The following NR3C1 variants were observed in gnomAD, a reference collection of about 807,000 sequenced individuals.
NR3C1 encodes the protein nuclear receptor subfamily 3 group C member 1.
Under a neutral mutation model 74.0 loss-of-function variants are expected in NR3C1, and 14 were observed. The ratio of observed to expected loss-of-function variants is 0.19; its 90% CI spans 0.12 to 0.30. The LOEUF (loss-of-function observed/expected upper bound fraction) is 0.30, where lower values mean the gene tolerates loss of function less well. Ranked by LOEUF, NR3C1 falls within the 10% of genes least tolerant of loss-of-function variation. NR3C1 has a pLI of 1.00. For missense variants in NR3C1, 695 were observed against 909.8 expected, an observed-to-expected ratio of 0.76 and a Z score of 3.04; for synonymous variants, 308 against 332.5, an observed-to-expected ratio of 0.93 and a Z score of 0.80.
chr5:143,376,186 A>G (rs1429522172), intron 2 of NR3C1, among the ~76,000 whole-genome samples: 1 of 152,222 alleles, frequency 6.6e-6, no homozygotes, highest in East Asian at 1.9e-4. Flanking sequence ...AAAAGTTTGT[A>G]TTTCACACAA....
At chr5:143,368,567 A>C (rs570158127) in intron 2 of NR3C1, among the ~76,000 whole-genome samples, 53 of 150,164 alleles carry the variant, frequency 3.5e-4, no homozygotes, top group South Asian at 8.4e-4. Context: ...ACACACACAC[A>C]CCGACAACTC....
intron 6 of NR3C1, among the ~76,000 whole-genome samples, chr5:143,296,784 A>C: frequency 6.6e-6 from 1 of 152,110 alleles, no homozygotes; most frequent in Middle Eastern, 3.2e-3. Context: ...GGCTAAGAAA[A>C]AAGGGTGGAG....
intron 1 of NR3C1, among the ~76,000 whole-genome samples, chr5:143,420,527 T>A (rs1751170808): frequency 6.6e-6 from 1 of 152,158 alleles, no homozygotes; most frequent in Non-Finnish European, 1.5e-5. Flanking sequence ...ATGCTATTAA[T>A]TATAATGGTT....
rs952048746 is a variant in NR3C1, at chr5:143,281,593, T to A, written c.*296A>T. ...TTGGGCACTGGTGGTTTAGGTGCCA[T>A]CCTTCTTTGACTGTGGAGATTACGT... On this transcript the variant is annotated 3_prime_UTR_variant, in exon 9 of 9. Transcript: ENST00000394464. 3.1e-6 allele frequency: 1 copy of A among 326,424 alleles called. No individual in the cohort carries two copies. 20.2% of individuals were successfully genotyped at this position (326,424 alleles called of 1,614,324 possible).
chr5:143,399,536 C>T, intron 2 of NR3C1, 120 bp downstream of exon 2: 1 of 816,888 alleles, frequency 1.2e-6, no homozygotes, highest in Non-Finnish European at 2.0e-6. Flanking sequence ...GCCACTTAAA[C>T]TTATTCATAT....
rs1360398169 is a variant in NR3C1 at position 143,300,987 on chromosome 5, G to A, written c.1469-224C>T. Among the ~76,000 whole-genome samples the A allele has an allele frequency of 1.3e-5, 2 of 151,880 alleles. No individual in the cohort carries two copies. The highest frequency in any genetic ancestry group is 2.9e-5 in the Non-Finnish European group (2 of 67,982). On this transcript the variant is annotated intron_variant, in intron 4 of 8. Transcript: ENST00000394464. This position sits in a 1 kb window ranked among gnomAD's most constrained non-coding sequence, Gnocchi z 5.2. ...TCCCAATTAATTTTGCCTACAAATA[G>A]GCCAGAAACTTCATTAGAGTTATTC... is the stretch of plus-strand genomic sequence containing the variant.
rs149774985 is a variant in NR3C1 at position 143,423,951 on chromosome 5, AG to A, written c.-14+10580del. On this transcript the variant is annotated intron_variant, in intron 1 of 8. Coordinates refer to the NR3C1 transcript ENST00000343796. ...CTAGGGTCTGGGAAGGGTAGTGGGG[AG>A]GGGGGATAAAGAGGGGGTGTTTAAC... is the stretch of plus-strand genomic sequence containing the variant. 3.2e-3 allele frequency among the ~76,000 whole-genome samples: 477 copies of A among 147,680 alleles called. 2 individuals are homozygous for A. Among genetic ancestry groups the A allele is most frequent in the South Asian group, 0.022 (99 of 4,482 alleles).
chr5:143,400,515 G>A lies in NR3C1; in HGVS notation c.325C>T (p.Gln109Ter). 1 of 1,614,170 alleles carries A rather than the reference G, an allele frequency of 6.2e-7. No individual in the cohort carries two copies. The change falls in exon 2 of 9, where the codon CAA becomes TAA. Residue 109 changes from glutamine (Q) to a stop codon, truncating the protein, a stop_gained. Transcript: ENST00000394464. LOFTEE classifies it high-confidence loss of function. Reference protein sequence around the residue: ...GNDLGFPQQGQISLSSGETDL... With the variant: ...GNDLGFPQQG ...GTTTCCCCCGAGGAAAGGCTGATTT[G>A]GCCCTGCTGTGGGAATCCCAGGTCA...
chr5:143,400,709 G>C lies in NR3C1; in HGVS notation c.131C>G (p.Ser44Cys). Residue 44 changes from serine (S) to cysteine (C), a missense_variant, in exon 2 of 9, where the codon TCT becomes TGT. Ser to Cys is a moderately radical substitution (Grantham distance 112, BLOSUM62 -1). Transcript: ENST00000394464. ...AGAAGCGACAGCCAGTGAGGGTGAAGACGCAGAAACCTTCACAGTAGCTCC... is the reference window on the plus strand; with the variant it reads ...AGAAGCGACAGCCAGTGAGGGTGAACACGCAGAAACCTTCACAGTAGCTCC... Reference protein sequence around the residue: ...RGGATVKVSASSPSLAVASQS... With the variant: ...RGGATVKVSACSPSLAVASQS... 6.2e-7 allele frequency: 1 copy of C among 1,614,214 alleles called. No individual in the cohort carries two copies. The highest frequency in any genetic ancestry group is 1.6e-4 in the Middle Eastern group (1 of 6,062).
chr5:143,403,777 G>C (rs1416863181), upstream of NR3C1: 1 of 982,846 alleles, frequency 1.0e-6, no homozygotes, highest in Non-Finnish European at 1.2e-6. Flanking sequence ...CGCGGGGAAC[G>C]ATGCAACCTG....
chr5:143,373,803 G>C (rs1000483890), intron 2 of NR3C1, among the ~76,000 whole-genome samples: 11 of 152,042 alleles, frequency 7.2e-5, no homozygotes, highest in African/African-American at 2.7e-4. Context: ...ACTGGGAAAG[G>C]GCATCCAGCG....
chr5:143,335,571 T>A (rs1431209081), intron 2 of NR3C1, among the ~76,000 whole-genome samples: 1 of 152,238 alleles, frequency 6.6e-6, no homozygotes, highest in Admixed American at 6.5e-5. Context: ...AACACTTCCA[T>A]ATATAGCCTG....
chr5:143,378,841 G>C (rs1305599872), intron 2 of NR3C1, among the ~76,000 whole-genome samples: 2 of 152,064 alleles, frequency 1.3e-5, no homozygotes, highest in Non-Finnish European at 2.9e-5. Flanking sequence ...GAATGATACT[G>C]TTCTTTTTCC....
At position 143,300,989 on chromosome 5, in the gene NR3C1, C is replaced by T. The variant is rs974522169; in HGVS notation, c.1469-226G>A. On this transcript the variant is annotated intron_variant, in intron 4 of 8. Transcript: ENST00000394464. The surrounding 1 kb of genome is among the most constrained non-coding windows in gnomAD (Gnocchi z 5.2). ...CCAATTAATTTTGCCTACAAATAGG[C>T]CAGAAACTTCATTAGAGTTATTCCT... 2.6e-5 allele frequency among the ~76,000 whole-genome samples: 4 copies of T among 151,744 alleles called. No individual in the cohort carries two copies. Among genetic ancestry groups the T allele is most frequent in the African/African-American group, 9.7e-5 (4 of 41,326 alleles).
intron 1 of NR3C1, among the ~76,000 whole-genome samples, chr5:143,430,759 T>G (rs750927207): frequency 1.3e-5 from 2 of 152,204 alleles, no homozygotes; most frequent in Non-Finnish European, 2.9e-5. Flanking sequence ...AATAAATGTT[T>G]GTTGTTTAAG....
rs1022517481 is a variant in NR3C1 at position 143,281,312 on chromosome 5, A to AAATT, written c.*573_*576dup. ...ACAGCTGTACAATAACTTGAATAAA[A>AAATT]AATTATGTAAGAAAAAATGAGCAAG... On this transcript the variant is annotated 3_prime_UTR_variant, in exon 9 of 9. Coordinates refer to ENST00000394464, the MANE Select transcript of NR3C1 (RefSeq NM_000176.3). 3 of 153,858 alleles carry AAATT rather than the reference A, an allele frequency of 1.9e-5. No individual in the cohort carries two copies. The highest frequency in any genetic ancestry group is 7.2e-5 in the African/African-American group (3 of 41,452). The allele number at this position is 153,858 out of a possible 1,614,324, so 9.5% of individuals were successfully genotyped here. A position where few individuals can be genotyped will look rare whatever the true frequency, so the allele number is the denominator to read the frequency against.
Position 143,310,224 on chromosome 5 carries a change from T to C in NR3C1, c.1352-11A>G. 4 of 1,560,766 alleles carry C rather than the reference T, an allele frequency of 2.6e-6. No individual in the cohort carries two copies. Among genetic ancestry groups the C allele is most frequent in the Non-Finnish European group, 3.5e-6 (4 of 1,132,898 alleles). On this transcript the variant is annotated splice_polypyrimidine_tract_variant and intron_variant, in intron 3 of 8. Coordinates refer to ENST00000394464, the MANE Select transcript of NR3C1 (RefSeq NM_000176.3). ...GGTAATTGTGCTGTCCTATATGGAA[T>C]AAAAGGCACTATTAAAGTTTCACAG... is the stretch of plus-strand genomic sequence containing the variant.
At chr5:143,291,327 G>GTGAT (rs1360498145) in intron 7 of NR3C1, among the ~76,000 whole-genome samples, 2 of 152,020 alleles carry the variant, frequency 1.3e-5, no homozygotes, top group Non-Finnish European at 2.9e-5. Context: ...CCAGGTTCAA[G>GTGAT]TGATTCTCCT....
rs12652915 is a variant in NR3C1 at position 143,390,570 on chromosome 5, T to C, written c.1184+9086A>G. Among the ~76,000 whole-genome samples the C allele has an allele frequency of 1.3e-3, 196 of 152,310 alleles. 3 individuals are homozygous for C. In the East Asian group the frequency reaches 0.033, roughly 25 times the overall value. ...CTTAGAGGTGAATAGTCTCTATTAC[T>C]TCATTACTATGCCAAGAAGAGGGAA... On this transcript the variant is annotated intron_variant, in intron 2 of 8. Coordinates refer to ENST00000394464, the MANE Select transcript of NR3C1 (RefSeq NM_000176.3).
Sources: gnomAD v4.1 joint callset for allele counts (sites outside exome capture counted in the v4.1 genomes callset) on GRCh38, gnomAD v4.1.1 for gene constraint, Gnocchi (gnomAD v3.1) non-coding constraint, MANE v1.5 for transcripts, NCBI Gene and HGNC (gene_info 2026-07-23, HGNC 2026-07-21) for gene names.